The following APTX variants were observed in gnomAD, a reference collection of about 807,000 sequenced individuals.
APTX encodes the protein aprataxin.
A neutral mutation model predicts 42.3 loss-of-function variants in APTX; 33 were observed. The ratio of observed to expected loss-of-function variants is 0.78; its 90% CI spans 0.59 to 1.04. The LOEUF (loss-of-function observed/expected upper bound fraction) is 1.04, where lower values mean the gene tolerates loss of function less well. APTX is among the 50% of genes least tolerant of loss of function. The pLI is 0.00. For missense variants in APTX, 421 were observed against 415.1 expected, an observed-to-expected ratio of 1.01 and a Z score of -0.12; for synonymous variants, 130 against 146.7, an observed-to-expected ratio of 0.89 and a Z score of 0.82.
rs1191186618 is a variant in APTX, at chr9:32,972,806, C to G, written c.*692G>C. On this transcript the variant is annotated 3_prime_UTR_variant, in exon 8 of 8. Transcript: ENST00000379817. ...TTTTCAGACAACAGGTCCAAGAAGA[C>G]TTCACAGCTCAATCATGACGAACAT... 1 of 454,014 alleles carries G rather than the reference C, an allele frequency of 2.2e-6. No individual in the cohort carries two copies. Among genetic ancestry groups the G allele is most frequent in the Non-Finnish European group, 4.4e-6 (1 of 226,808 alleles). 28.1% of individuals were successfully genotyped at this position (454,014 alleles called of 1,614,324 possible).
rs991102979 is a variant in APTX at position 32,973,030 on chromosome 9, T to C, written c.*468A>G. ...CTCCCCATGAAGGAAGGGAAAAGAA[T>C]ATTACAAAACAGACTAACAGAAAAC... On this transcript the variant is annotated 3_prime_UTR_variant, in exon 8 of 8. Transcript: ENST00000379817. 2.2e-6 allele frequency: 1 copy of C among 454,124 alleles called. No individual in the cohort carries two copies. Among genetic ancestry groups the C allele is most frequent in the African/African-American group, 2.0e-5 (1 of 50,028 alleles). 28.1% of individuals were successfully genotyped at this position (454,124 alleles called of 1,614,324 possible).
At chr9:33,023,466 C>T (rs1361699921) in intron 1 of APTX, among the ~76,000 whole-genome samples, 1 of 148,728 alleles carries the variant, frequency 6.7e-6, no homozygotes, top group African/African-American at 2.5e-5. Context: ...TCAGGTGATC[C>T]GCCACCTTGG....
In APTX at chr9:33,019,908, C is replaced by T. The variant is rs565542362; in HGVS notation, c.-5+5115G>A. The T allele has an allele frequency of 4.3e-5, 24 of 560,524 alleles. No individual in the cohort carries two copies. The Admixed American group carries it at 6.9e-4, about 16-fold the overall frequency. The allele number at this position is 560,524 out of a possible 1,614,324, so 34.7% of individuals were successfully genotyped here. On this transcript the variant is annotated intron_variant, in intron 1 of 6. Transcript: ENST00000436040. ...GGAGCCAGGGACCCATGGGCAATTT[C>T]CACCTCTAAGGGGGTCGGGAAAGGC...
At chr9:32,983,504 G>A (rs1831185327) in intron 6 of APTX, among the ~76,000 whole-genome samples, 1 of 152,136 alleles carries the variant, frequency 6.6e-6, no homozygotes, top group Admixed American at 6.5e-5. Context: ...GCACTTTATT[G>A]TATGTAAGTT....
At chr9:32,993,153 A>G (rs1834031570) in intron 1 of APTX, among the ~76,000 whole-genome samples, 1 of 152,214 alleles carries the variant, frequency 6.6e-6, no homozygotes, top group Admixed American at 6.5e-5. Context: ...TGGCAGATGC[A>G]GGATAATAAG....
intron 1 of APTX, among the ~76,000 whole-genome samples, chr9:33,007,769 A>T (rs10971304): frequency 0.042 from 6,099 of 146,220 alleles, 152 homozygotes; most frequent in East Asian, 0.11. Flanking sequence ...AAACGATATT[A>T]AAAAAAAAAA....
At chr9:33,001,391 C>T (rs769858191) in intron 1 of APTX, 176 bp downstream of exon 1, 2 of 1,532,800 alleles carry the variant, frequency 1.3e-6, no homozygotes, top group Non-Finnish European at 1.7e-6. Flanking sequence ...CGCGAGCGCC[C>T]GCTGAAACAG....
chr9:33,000,841 T>G (rs1276738577), intron 1 of APTX, among the ~76,000 whole-genome samples: 2 of 130,364 alleles, frequency 1.5e-5, no homozygotes, highest in South Asian at 4.7e-4. Context: ...CTTTTTTTTT[T>G]TTTCTTTTTT....
intron 1 of APTX, among the ~76,000 whole-genome samples, chr9:33,019,437 C>T (rs10971335): frequency 0.071 from 10,807 of 152,206 alleles, 513 homozygotes; most frequent in Non-Finnish European, 0.11. Flanking sequence ...AATAGCATTT[C>T]AGTTAGGATT....
At chr9:32,995,666 T>C (rs1294442502) in intron 1 of APTX, among the ~76,000 whole-genome samples, 1 of 152,004 alleles carries the variant, frequency 6.6e-6, no homozygotes, top group Non-Finnish European at 1.5e-5. Context: ...GGCGGGCGGA[T>C]CACGAGGTCA....
At chr9:32,996,187 T>C (rs572283592) in intron 1 of APTX, among the ~76,000 whole-genome samples, 2 of 152,308 alleles carry the variant, frequency 1.3e-5, no homozygotes, top group South Asian at 4.1e-4. Context: ...TTATTGCAGT[T>C]GTCTAGAACC....
rs182184992 is a variant in APTX at position 32,997,097 on chromosome 9, A to G, written c.-5+4470T>C. On this transcript the variant is annotated intron_variant, in intron 1 of 7. Coordinates refer to ENST00000379817, the MANE Select transcript of APTX (RefSeq NM_001195248.2). ...TGGGTTCTTAACCACTGCATCATAT[A>G]ACTTTTGGCTTCACTCATTTGATCG... The G allele has an allele frequency of 8.5e-5, 13 of 152,360 alleles. No homozygotes were observed. The East Asian group carries it at 2.3e-3, about 27-fold the overall frequency. The allele number at this position is 152,360 out of a possible 1,614,324, so 9.4% of individuals were successfully genotyped here. A position where few individuals can be genotyped will look rare whatever the true frequency, so the allele number is the denominator to read the frequency against.
chr9:32,988,230 G>T, intron 2 of APTX, 101 bp from the exon 3 acceptor site: 1 of 1,062,098 alleles, frequency 9.4e-7, no homozygotes, highest in Non-Finnish European at 1.5e-6. Flanking sequence ...GGCGGCAGCT[G>T]AACAGGTGGT....
chr9:32,974,694 T>G (rs1364831240), intron 6 of APTX, 133 bp from the exon 7 acceptor site: 3 of 656,292 alleles, frequency 4.6e-6, no homozygotes, highest in Non-Finnish European at 8.2e-6. Flanking sequence ...ATTGAAGTGA[T>G]AGTGTGTCCA....
At chr9:33,015,740 A>C (rs2119267514) in intron 1 of APTX, 1 of 152,344 alleles carries the variant, frequency 6.6e-6, no homozygotes, top group South Asian at 2.1e-4. Flanking sequence ...TGCATGCAAG[A>C]AAACTTTTTT....
At chr9:33,011,975 C>A (rs1407488782) in intron 1 of APTX, among the ~76,000 whole-genome samples, 1 of 152,176 alleles carries the variant, frequency 6.6e-6, no homozygotes, top group Non-Finnish European at 1.5e-5. Flanking sequence ...TTTGGTCCCT[C>A]TTGACAACAA....
chr9:33,004,018 C>A (rs1836943570), upstream of APTX, among the ~76,000 whole-genome samples: 1 of 152,212 alleles, frequency 6.6e-6, no homozygotes, highest in African/African-American at 2.4e-5. Flanking sequence ...ATGGAACCAA[C>A]CTAAATGCCC....
intron 1 of APTX, among the ~76,000 whole-genome samples, chr9:32,999,706 T>G (rs950184637): frequency 2.4e-4 from 36 of 152,334 alleles, no homozygotes; most frequent in African/African-American, 8.4e-4. Context: ...CCGGGTGCGG[T>G]GGCTCACGCC....
At chr9:32,993,345 T>C (rs1834082837) in intron 1 of APTX, among the ~76,000 whole-genome samples, 1 of 152,172 alleles carries the variant, frequency 6.6e-6, no homozygotes, top group African/African-American at 2.4e-5. Context: ...AGAAATGGAG[T>C]GTTTTACAAT....
Sources: gnomAD v4.1 joint callset for allele counts (sites outside exome capture counted in the v4.1 genomes callset) on GRCh38, gnomAD v4.1.1 for gene constraint, MANE v1.5 for transcripts, NCBI Gene and HGNC (gene_info 2026-07-23, HGNC 2026-07-21) for gene names.